The following NFIB variants were observed in gnomAD, a reference collection of about 807,000 sequenced individuals.
NFIB encodes the protein nuclear factor 1 B-type.
In NFIB, 11 loss-of-function variants were observed where a neutral mutation model predicts 61.5. The ratio of observed to expected loss-of-function variants is 0.18; its 90% CI spans 0.11 to 0.30. The LOEUF is 0.30. Among genes scored for constraint, NFIB ranks in the 10% least tolerant of loss-of-function variants. NFIB has a pLI of 1.00. For missense variants in NFIB, 471 were observed against 608.9 expected (o/e 0.77, Z 2.38); for synonymous variants, 260 against 216.5 (o/e 1.20, Z -1.76).
At chr9:14,411,932 C>T in the NFIB span, among the ~76,000 whole-genome samples, 5 of 152,084 alleles carry the variant, frequency 3.3e-5, no homozygotes, top group African/African-American at 1.2e-4. Flanking sequence ...GTGAGCAGCC[C>T]AAAGAGAGGC....
intron 1 of NFIB, among the ~76,000 whole-genome samples, chr9:14,378,686 G>C (rs762492896): frequency 2.0e-5 from 3 of 152,168 alleles, no homozygotes; most frequent in Non-Finnish European, 4.4e-5. Context: ...AGCACAAAAT[G>C]TTATTGATTA....
chr9:14,322,574 G>A (rs1400947070), intron 1 of NFIB, among the ~76,000 whole-genome samples: 1 of 151,760 alleles, frequency 6.6e-6, no homozygotes, highest in Non-Finnish European at 1.5e-5. Flanking sequence ...TCCGGCTCGC[G>A]GCCCGCCCCG....
intron 2 of NFIB, among the ~76,000 whole-genome samples, chr9:14,243,835 C>G (rs1015537196): frequency 6.6e-6 from 1 of 152,184 alleles, no homozygotes; most frequent in African/African-American, 2.4e-5. Flanking sequence ...TGAGCTCAAG[C>G]CAGGATCCTT....
At chr9:14,184,470 A>C (rs78033725) in intron 2 of NFIB, among the ~76,000 whole-genome samples, 2 of 149,080 alleles carry the variant, frequency 1.3e-5, no homozygotes, top group East Asian at 4.0e-4. Flanking sequence ...ATACTAATTG[A>C]CGTTTTAAAG....
At chr9:14,508,742 G>C in the NFIB span, among the ~76,000 whole-genome samples, 1 of 152,158 alleles carries the variant, frequency 6.6e-6, no homozygotes, top group Admixed American at 6.5e-5. Flanking sequence ...ACATTTCCTT[G>C]GACTCCATAA....
At chr9:14,151,751 T>C (rs1415915401) in intron 4 of NFIB, among the ~76,000 whole-genome samples, 1 of 152,172 alleles carries the variant, frequency 6.6e-6, no homozygotes, top group East Asian at 1.9e-4. Flanking sequence ...AAGAACTCCT[T>C]AAGAATAGTT....
At chr9:14,114,043 C>T (rs2037779204) in intron 9 of NFIB, among the ~76,000 whole-genome samples, 1 of 152,176 alleles carries the variant, frequency 6.6e-6, no homozygotes, top group African/African-American at 2.4e-5. Flanking sequence ...AAGAAAGCTA[C>T]ACTGTTTGGT....
intron 2 of NFIB, among the ~76,000 whole-genome samples, chr9:14,260,644 G>A (rs2056660693): frequency 1.3e-5 from 2 of 152,170 alleles, no homozygotes; most frequent in Admixed American, 6.5e-5. Flanking sequence ...GTAACATGGA[G>A]GTGTGCCAGT....
intron 1 of NFIB, among the ~76,000 whole-genome samples, chr9:14,365,847 A>G (rs1588374989): frequency 6.6e-6 from 1 of 152,280 alleles, no homozygotes; most frequent in East Asian, 1.9e-4. Context: ...GTGAGACCAA[A>G]AACTATGGAG....
At chr9:14,473,922 T>G in the NFIB span, among the ~76,000 whole-genome samples, 1 of 152,200 alleles carries the variant, frequency 6.6e-6, no homozygotes, top group East Asian at 1.9e-4. Context: ...CTCCTAAGTA[T>G]TGACTGTGGC....
intron 10 of NFIB, among the ~76,000 whole-genome samples, chr9:14,104,749 TAA>T (rs760716241): frequency 4.3e-5 from 6 of 140,032 alleles, no homozygotes; most frequent in Non-Finnish European, 4.7e-5. Context: ...CCTGGCTAAT[TAA>T]AAAAAAAAAA....
intron 1 of NFIB, among the ~76,000 whole-genome samples, chr9:14,391,943 G>T (rs4537389): frequency 3.3e-5 from 5 of 152,012 alleles, no homozygotes; most frequent in Non-Finnish European, 7.4e-5. Context: ...ACTTCTGGCC[G>T]TCAGCTGAAT....
At chr9:14,287,632 G>A (rs1441961963) in intron 2 of NFIB, among the ~76,000 whole-genome samples, 1 of 151,746 alleles carries the variant, frequency 6.6e-6, no homozygotes. Flanking sequence ...ACCATGGCCA[G>A]GCTGGTCTTG....
intron 2 of NFIB, among the ~76,000 whole-genome samples, chr9:14,272,776 G>C (rs1429827499): frequency 2.0e-5 from 3 of 149,508 alleles, no homozygotes; most frequent in African/African-American, 7.4e-5. Flanking sequence ...AACAGAACAT[G>C]CTACATTTTT....
chr9:14,392,998 A>T (rs1010226752), intron 1 of NFIB, among the ~76,000 whole-genome samples: 4 of 152,234 alleles, frequency 2.6e-5, no homozygotes, highest in Admixed American at 6.5e-5. Flanking sequence ...GGTCTTGCGA[A>T]TCTTATCATT....
At chr9:14,433,593 G>C in the NFIB span, among the ~76,000 whole-genome samples, 23 of 152,260 alleles carry the variant, frequency 1.5e-4, no homozygotes, top group South Asian at 4.6e-3. Flanking sequence ...ATTCAGGGTT[G>C]TTATTACTGT....
At chr9:14,461,466 T>C in the NFIB span, among the ~76,000 whole-genome samples, 6 of 152,204 alleles carry the variant, frequency 3.9e-5, no homozygotes, top group African/African-American at 7.2e-5. Flanking sequence ...CAAATCAGCC[T>C]CTATCAGCAG....
At chr9:14,304,844 C>G (rs1160064789) in intron 2 of NFIB, among the ~76,000 whole-genome samples, 1 of 152,048 alleles carries the variant, frequency 6.6e-6, no homozygotes, top group Non-Finnish European at 1.5e-5. Context: ...CATAATTAAC[C>G]TACACTTGAC....
chr9:14,530,627 T>C, the NFIB span, among the ~76,000 whole-genome samples: 1 of 152,092 alleles, frequency 6.6e-6, no homozygotes, highest in Non-Finnish European at 1.5e-5. Flanking sequence ...ATCAACAGCA[T>C]AACATCCACC....
Sources: gnomAD v4.1 joint callset for allele counts (sites outside exome capture counted in the v4.1 genomes callset) on GRCh38, gnomAD v4.1.1 for gene constraint, MANE v1.5 for transcripts, NCBI Gene and HGNC (gene_info 2026-07-23, HGNC 2026-07-21) for gene names.